Variants in GMDS observed in about 807,000 individuals in gnomAD.
GMDS encodes the protein GDP-mannose 4,6-dehydratase.
In GMDS, 20 loss-of-function variants were observed where a neutral mutation model predicts 49.9. The ratio of observed to expected loss-of-function variants is 0.40; its 90% confidence interval spans 0.28 to 0.58. The LOEUF is 0.58. GMDS is among the 20% of genes least tolerant of loss of function. The pLI, the probability that GMDS is intolerant of heterozygous loss-of-function variation, is 0.42. For synonymous variants in GMDS, 177 were observed against 178.6 expected (o/e 0.99, Z 0.07); for missense variants, 362 against 481.4 (o/e 0.75, Z 2.32).
At chr6:2,123,098 A>G (rs1191786402) in intron 2 of GMDS, among the ~76,000 whole-genome samples, 1 of 152,220 alleles carries the variant, frequency 6.6e-6, no homozygotes, top group African/African-American at 2.4e-5. Context: ...AACAAGGGAC[A>G]CCTAAATGGA....
chr6:1,809,795 T>A (rs1245318388), intron 7 of GMDS, among the ~76,000 whole-genome samples: 1 of 152,166 alleles, frequency 6.6e-6, no homozygotes, highest in East Asian at 1.9e-4. Context: ...TTTTCTCTTT[T>A]CAGGGGAATG....
chr6:2,131,801 C>CT (rs59213948), intron 1 of GMDS, among the ~76,000 whole-genome samples: 13,601 of 142,766 alleles, frequency 0.095, 2,054 homozygotes, highest in African/African-American at 0.32. Context: ...ACTGGTTTTC[C>CT]TTTTTTTTTT....
At chr6:2,070,442 T>C (rs1008858012) in intron 4 of GMDS, among the ~76,000 whole-genome samples, 1 of 151,974 alleles carries the variant, frequency 6.6e-6, no homozygotes, top group Non-Finnish European at 1.5e-5. Context: ...AGAAAAACCA[T>C]TATCAAAATA....
Position 2,000,182 on chromosome 6 carries a change from C to A in GMDS, c.346-39216G>T, listed in dbSNP as rs191724232. Among the ~76,000 whole-genome samples, 719 of 145,520 alleles carry A rather than the reference C, an allele frequency of 4.9e-3. 7 individuals carry two copies. The highest frequency in any genetic ancestry group is 0.018 in the African/African-American group (700 of 39,378). On this transcript the variant is annotated intron_variant, in intron 4 of 10. Transcript: ENST00000380815. The stretch of plus-strand genomic sequence containing the variant: ...CCCCAAGTAGCTGGGACTACAGGCG[C>A]CCGCCACCATGCCCGGCTAATTTTT...
intron 7 of GMDS, among the ~76,000 whole-genome samples, chr6:1,902,719 T>C (rs1760558345): frequency 6.6e-6 from 1 of 152,198 alleles, no homozygotes; most frequent in African/African-American, 2.4e-5. Flanking sequence ...AAAAATTCCT[T>C]ACAAGTAAAT....
At chr6:2,197,453 C>A (rs1273978505) in intron 1 of GMDS, among the ~76,000 whole-genome samples, 1 of 152,188 alleles carries the variant, frequency 6.6e-6, no homozygotes, top group African/African-American at 2.4e-5. Context: ...AGCTGTTTCT[C>A]CAGCTCCACT....
chr6:2,190,443 TAA>T (rs1778961760), intron 1 of GMDS, among the ~76,000 whole-genome samples: 1 of 152,246 alleles, frequency 6.6e-6, no homozygotes, highest in Non-Finnish European at 1.5e-5. Context: ...CTTCTACAGA[TAA>T]AAACACCAAG....
At chr6:2,044,901 T>TG (rs1491090881) in intron 4 of GMDS, among the ~76,000 whole-genome samples, 4 of 151,608 alleles carry the variant, frequency 2.6e-5, no homozygotes, top group African/African-American at 9.7e-5. Context: ...TGTGTGTGTG[T>TG]TTTTTTCAGG....
chr6:2,211,707 T>G (rs1736324258), intron 1 of GMDS, among the ~76,000 whole-genome samples: 1 of 152,194 alleles, frequency 6.6e-6, no homozygotes, highest in African/African-American at 2.4e-5. Context: ...AAATACGTAT[T>G]TCATGTTAGT....
intron 4 of GMDS, among the ~76,000 whole-genome samples, chr6:2,063,848 A>C (rs1771344093): frequency 6.6e-6 from 1 of 152,266 alleles, no homozygotes; most frequent in Non-Finnish European, 1.5e-5. Flanking sequence ...AGTGAGAACG[A>C]GCCAGAAAAA....
At chr6:1,793,973 C>T (rs1769643038) in intron 7 of GMDS, among the ~76,000 whole-genome samples, 2 of 152,330 alleles carry the variant, frequency 1.3e-5, no homozygotes, top group East Asian at 1.9e-4. Flanking sequence ...GGGCTTTACA[C>T]ACTTACGTGG....
At chr6:1,639,029 G>A (rs1182300202) in intron 9 of GMDS, among the ~76,000 whole-genome samples, 2 of 152,188 alleles carry the variant, frequency 1.3e-5, no homozygotes, top group Non-Finnish European at 2.9e-5. Context: ...GGTCAGTGAT[G>A]GAGACTGACA....
intron 4 of GMDS, among the ~76,000 whole-genome samples, chr6:2,111,632 C>T (rs1425706798): frequency 6.6e-6 from 1 of 152,064 alleles, no homozygotes; most frequent in African/African-American, 2.4e-5. Flanking sequence ...AAACAGAAGC[C>T]AACACAAACA....
intron 6 of GMDS, among the ~76,000 whole-genome samples, chr6:1,934,259 C>A (rs1193158921): frequency 6.6e-6 from 1 of 152,158 alleles, no homozygotes; most frequent in African/African-American, 2.4e-5. Context: ...TATGACAGTA[C>A]CACACAGTCC....
At chr6:2,210,833 T>C (rs2127582760) in intron 1 of GMDS, among the ~76,000 whole-genome samples, 1 of 152,304 alleles carries the variant, frequency 6.6e-6, no homozygotes, top group Non-Finnish European at 1.5e-5. Context: ...CCAAATCTCA[T>C]GTTGAATTGT....
At chr6:2,023,095 C>T (rs1768374235) in intron 4 of GMDS, among the ~76,000 whole-genome samples, 2 of 152,110 alleles carry the variant, frequency 1.3e-5, no homozygotes, top group South Asian at 4.1e-4. Flanking sequence ...ACTGTGTCTC[C>T]AGAGATGTTC....
At chr6:2,000,025 A>T (rs1227274428) in intron 4 of GMDS, among the ~76,000 whole-genome samples, 1 of 11,256 alleles carries the variant, frequency 8.9e-5, no homozygotes, top group Non-Finnish European at 1.7e-4. Context: ...ATATATATAT[A>T]TATCTATATC....
chr6:1,696,414 C>A (rs948063651), intron 9 of GMDS, among the ~76,000 whole-genome samples: 1 of 152,248 alleles, frequency 6.6e-6, no homozygotes, highest in Non-Finnish European at 1.5e-5. Flanking sequence ...GAATTTTCTT[C>A]TGTTCACTGC....
intron 9 of GMDS, among the ~76,000 whole-genome samples, chr6:1,633,737 C>T (rs569499503): frequency 2.4e-4 from 36 of 152,030 alleles, no homozygotes; most frequent in Non-Finnish European, 4.4e-4. Flanking sequence ...TGGGGAGTGA[C>T]GGGGAGAGGA....
Sources: gnomAD v4.1 joint callset for allele counts (sites outside exome capture counted in the v4.1 genomes callset) on GRCh38, gnomAD v4.1.1 for gene constraint, MANE v1.5 for transcripts, NCBI Gene and HGNC (gene_info 2026-07-23, HGNC 2026-07-21) for gene names.